PRKN: variants seen among roughly 807,000 people sequenced by gnomAD.
PRKN encodes parkin RBR E3 ubiquitin protein ligase.
A neutral mutation model predicts 59.5 loss-of-function variants in PRKN; 56 were observed. The ratio of observed to expected loss-of-function variants is 0.94; its 90% CI spans 0.76 to 1.18. The LOEUF is 1.18. PRKN is among the 50% of genes most tolerant of loss of function. The pLI, the probability that PRKN is intolerant of heterozygous loss-of-function variation, is 0.00. For synonymous variants in PRKN, 250 were observed against 222.1 expected (o/e 1.13, Z -1.12); for missense variants, 657 against 596.4 (o/e 1.10, Z -1.06).
At chr6:161,760,089 T>C (rs1035253888) in intron 7 of PRKN, among the ~76,000 whole-genome samples, 4 of 133,968 alleles carry the variant, frequency 3.0e-5, no homozygotes, top group African/African-American at 1.1e-4. Flanking sequence ...AAAAAAAAAA[T>C]CCGGTGGTCA....
intron 9 of PRKN, among the ~76,000 whole-genome samples, chr6:161,507,047 C>T (rs1778200080): frequency 6.6e-6 from 1 of 152,202 alleles, no homozygotes; most frequent in Non-Finnish European, 1.5e-5. Flanking sequence ...GGTCTCAAGC[C>T]ATGAGTGCAT....
chr6:162,594,733 G>A (rs897099432), intron 1 of PRKN, among the ~76,000 whole-genome samples: 1 of 152,160 alleles, frequency 6.6e-6, no homozygotes, highest in Non-Finnish European at 1.5e-5. Flanking sequence ...ATTCTAAAAA[G>A]TACAGTGGTC....
At chr6:162,606,717 ATAGT>A (rs1725727120) in intron 1 of PRKN, among the ~76,000 whole-genome samples, 1 of 152,030 alleles carries the variant, frequency 6.6e-6, no homozygotes, top group African/African-American at 2.4e-5. Flanking sequence ...GTTGAGCAGT[ATAGT>A]TATTTATTAT....
chr6:161,354,268 T>A lies in PRKN; in HGVS notation c.1286-4057A>T, dbSNP rs190601896. On this transcript the variant is annotated intron_variant, in intron 11 of 11. Transcript: ENST00000366898. This position sits in a 1 kb window ranked among gnomAD's most constrained non-coding sequence, Gnocchi z 6.7. Reference sequence around the variant, plus strand: ...CTTTGCCAGCTTAAAAGTAAGTGCATCCAGGAAGCAGCTGAAACTTCACGC... The same window carrying A: ...CTTTGCCAGCTTAAAAGTAAGTGCAACCAGGAAGCAGCTGAAACTTCACGC... 6.6e-6 allele frequency among the ~76,000 whole-genome samples: 1 copy of A among 152,280 alleles called. No individual in the cohort carries two copies. The highest frequency in any genetic ancestry group is 1.9e-4 in the East Asian group (1 of 5,174).
At chr6:162,054,024 C>T in intron 5 of PRKN, 67 bp downstream of exon 5, 1 of 1,032,834 alleles carries the variant, frequency 9.7e-7, no homozygotes, top group East Asian at 2.4e-5. Flanking sequence ...TCTCTAATTT[C>T]CTGGCAAACA....
At chr6:161,881,816 G>T (rs1333032991) in intron 6 of PRKN, among the ~76,000 whole-genome samples, 1 of 152,134 alleles carries the variant, frequency 6.6e-6, no homozygotes, top group Admixed American at 6.6e-5. Flanking sequence ...AGAAGTCGTG[G>T]CTCCTTTGCT....
chr6:162,248,927 G>A (rs138656255), intron 3 of PRKN, among the ~76,000 whole-genome samples: 3,544 of 151,490 alleles, frequency 0.023, 131 homozygotes, highest in African/African-American at 0.082. Flanking sequence ...TCACCAGGCT[G>A]GAGTGCAGTG....
intron 7 of PRKN, among the ~76,000 whole-genome samples, chr6:161,622,082 C>T (rs1056229890): frequency 2.0e-5 from 3 of 152,106 alleles, no homozygotes; most frequent in Admixed American, 6.5e-5. Flanking sequence ...TCCAACTCCT[C>T]GCACCTCCTT....
intron 3 of PRKN, among the ~76,000 whole-genome samples, chr6:162,249,179 C>A (rs1779325597): frequency 6.6e-6 from 1 of 152,126 alleles, no homozygotes; most frequent in South Asian, 2.1e-4. Flanking sequence ...GCTGCTTTTG[C>A]ATATAAAATT....
intron 4 of PRKN, among the ~76,000 whole-genome samples, chr6:162,128,779 G>C (rs1257806334): frequency 6.6e-6 from 1 of 152,168 alleles, no homozygotes; most frequent in Non-Finnish European, 1.5e-5. Flanking sequence ...TTATAAAAGA[G>C]GCCCCAGAGA....
chr6:161,893,346 A>G (rs1777487943), intron 6 of PRKN, among the ~76,000 whole-genome samples: 1 of 152,214 alleles, frequency 6.6e-6, no homozygotes, highest in Admixed American at 6.5e-5. Context: ...GTTAAAGCAC[A>G]GAATTGAGGA....
At chr6:162,063,398 G>A (rs1195694847) in intron 4 of PRKN, among the ~76,000 whole-genome samples, 2 of 151,904 alleles carry the variant, frequency 1.3e-5, no homozygotes, top group Admixed American at 6.6e-5. Flanking sequence ...GAAAATACAA[G>A]TTAAAATCAC....
At chr6:162,413,803 T>TGA (rs1464305063) in intron 2 of PRKN, among the ~76,000 whole-genome samples, 1 of 152,180 alleles carries the variant, frequency 6.6e-6, no homozygotes, top group Non-Finnish European at 1.5e-5. Flanking sequence ...AATCGGCACT[T>TGA]GGAGCTTCAA....
intron 6 of PRKN, among the ~76,000 whole-genome samples, chr6:161,893,373 C>A (rs1777489464): frequency 6.6e-6 from 1 of 152,156 alleles, no homozygotes; most frequent in Non-Finnish European, 1.5e-5. Context: ...GTTATCTGTT[C>A]ACACGCCATG....
intron 7 of PRKN, among the ~76,000 whole-genome samples, chr6:161,646,607 T>C (rs115271941): frequency 0.23 from 33,418 of 147,458 alleles, 4,158 homozygotes; most frequent in Middle Eastern, 0.35. Flanking sequence ...GAGGAGGTGG[T>C]GTATCAGTGA....
At chr6:162,254,227 G>T (rs896119790) in intron 3 of PRKN, among the ~76,000 whole-genome samples, 1 of 152,066 alleles carries the variant, frequency 6.6e-6, no homozygotes, top group Admixed American at 6.6e-5. Flanking sequence ...GGGAGGCTGA[G>T]GTGGGCAGAT....
At chr6:161,799,663 C>T (rs1791000138) in intron 6 of PRKN, among the ~76,000 whole-genome samples, 1 of 152,220 alleles carries the variant, frequency 6.6e-6, no homozygotes, top group Non-Finnish European at 1.5e-5. Context: ...GTCATTGTCT[C>T]TTCAGATTGG....
At position 161,428,037 on chromosome 6, in the gene PRKN, G is replaced by A. The variant is rs1202016120; in HGVS notation, c.1084-41160C>T. 6.6e-6 allele frequency among the ~76,000 whole-genome samples: 1 copy of A among 152,178 alleles called. No individual in the cohort carries two copies. The highest frequency in any genetic ancestry group is 2.4e-5 in the African/African-American group (1 of 41,430). On this transcript the variant is annotated intron_variant, in intron 9 of 11. Transcript: ENST00000366898. This position sits in a 1 kb window ranked among gnomAD's most constrained non-coding sequence, Gnocchi z 4.0. ...CTTGCATGGTTGCAGAAGGAAGCTCGCTGCAGTCTGAGTGTGTCTCCGTGG... is the reference window on the plus strand; with the variant it reads ...CTTGCATGGTTGCAGAAGGAAGCTCACTGCAGTCTGAGTGTGTCTCCGTGG...
chr6:161,640,385 A>C (rs987512070), intron 7 of PRKN, among the ~76,000 whole-genome samples: 2 of 152,174 alleles, frequency 1.3e-5, no homozygotes, highest in African/African-American at 4.8e-5. Flanking sequence ...GTGGTCTGGA[A>C]GGCACTCACT....
Sources: allele counts gnomAD v4.1 joint callset (sites outside exome capture counted in the v4.1 genomes callset), GRCh38; gene constraint gnomAD v4.1.1; non-coding constraint Gnocchi (gnomAD v3.1); transcripts MANE v1.5; gene names NCBI Gene and HGNC (gene_info 2026-07-23, HGNC 2026-07-21).